NTM: variants seen among roughly 807,000 people sequenced by gnomAD.
NTM encodes IgLON family member 2.
Under a neutral mutation model 42.1 loss-of-function variants are expected in NTM, and 13 were observed. The ratio of observed to expected loss-of-function variants is 0.31; its 90% CI spans 0.20 to 0.49. The LOEUF (loss-of-function observed/expected upper bound fraction) is 0.49, where lower values mean the gene tolerates loss of function less well. Among genes scored for constraint, NTM ranks in the 20% least tolerant of loss-of-function variants. The pLI is 0.99. For missense variants in NTM, 373 were observed against 452.8 expected (o/e 0.82, Z 1.60); for synonymous variants, 187 against 179.2 (o/e 1.04, Z -0.35).
At chr11:132,012,327 A>G (rs1406730130) in intron 2 of NTM, among the ~76,000 whole-genome samples, 1 of 152,238 alleles carries the variant, frequency 6.6e-6, no homozygotes, top group Non-Finnish European at 1.5e-5. Context: ...AATGGCTAAC[A>G]AAATGTTATC....
At chr11:132,008,272 T>TG (rs1829374816) in intron 2 of NTM, among the ~76,000 whole-genome samples, 2 of 152,148 alleles carry the variant, frequency 1.3e-5, no homozygotes, top group African/African-American at 2.4e-5. Context: ...TTTGTAAAAT[T>TG]CTATTGTCCT....
In NTM at chr11:131,581,050, G is replaced by C. The variant is rs560333271; in HGVS notation, c.82+210162G>C. On this transcript the variant is annotated intron_variant, in intron 1 of 8. Coordinates refer to ENST00000683400, the MANE Select transcript of NTM (RefSeq NM_001352005.2). ...CCCTGGGTTATTGCTAAAAGGGTGT[G>C]GGGTATGGGGTTTGCCACACTCATC... Among the ~76,000 whole-genome samples, 13 of 152,286 alleles carry C rather than the reference G, an allele frequency of 8.5e-5. No homozygotes were observed. In the East Asian group the frequency reaches 9.7e-4, roughly 11 times the overall value.
intron 1 of NTM, among the ~76,000 whole-genome samples, chr11:131,545,346 C>T (rs1208751703): frequency 6.6e-6 from 1 of 151,984 alleles, no homozygotes; most frequent in East Asian, 1.9e-4. Context: ...AGCTTTTCCT[C>T]CATTTTTTTC....
chr11:132,205,603 G>A lies in NTM; in HGVS notation c.401-6419G>A, dbSNP rs3133870. On this transcript the variant is annotated intron_variant, in intron 3 of 8. Transcript: ENST00000683400. Reference sequence around the variant, plus strand: ...TACCCTAACCACTCCTTGGTCTTTCGGTTTCTATAATTGGTATATTTTCTA... The same window carrying A: ...TACCCTAACCACTCCTTGGTCTTTCAGTTTCTATAATTGGTATATTTTCTA... Among the ~76,000 whole-genome samples the A allele has an allele frequency of 2.2e-4, 34 of 151,860 alleles. 1 individual carries two copies. In the South Asian group the frequency reaches 6.7e-3, roughly 30 times the overall value.
intron 2 of NTM, among the ~76,000 whole-genome samples, chr11:132,008,009 T>A (rs1939380): frequency 6.6e-6 from 1 of 151,912 alleles, no homozygotes; most frequent in Non-Finnish European, 1.5e-5. Flanking sequence ...AGGTGGGCGT[T>A]GCTTCGATTT....
intron 1 of NTM, chr11:131,773,875 G>T: frequency 3.2e-6 from 1 of 309,752 alleles, no homozygotes; most frequent in Non-Finnish European, 4.7e-6. Flanking sequence ...TCGTTTTATT[G>T]CATGGTCTGG....
intron 2 of NTM, among the ~76,000 whole-genome samples, chr11:132,022,570 T>A (rs1452193933): frequency 1.3e-5 from 2 of 149,332 alleles, no homozygotes; most frequent in East Asian, 1.9e-4. Flanking sequence ...AACACTTAGG[T>A]CCCTAGATCC....
chr11:131,796,237 C>A, intron 1 of NTM: 1 of 912,344 alleles, frequency 1.1e-6, no homozygotes, highest in Non-Finnish European at 1.3e-6. Context: ...TGGAAGAGGC[C>A]ATGCACAGGT....
At chr11:131,392,772 C>T (rs1443689438) in intron 1 of NTM, among the ~76,000 whole-genome samples, 1 of 152,190 alleles carries the variant, frequency 6.6e-6, no homozygotes, top group African/African-American at 2.4e-5. Flanking sequence ...TCAGCCTGCT[C>T]TGAAAGTCTG....
chr11:131,461,473 A>G (rs1009780201), intron 1 of NTM, among the ~76,000 whole-genome samples: 4 of 152,222 alleles, frequency 2.6e-5, no homozygotes, highest in African/African-American at 9.6e-5. Context: ...GGAGAGACCT[A>G]TGAACATGCA....
chr11:131,790,833 C>A (rs548940742), intron 1 of NTM, among the ~76,000 whole-genome samples: 1 of 152,242 alleles, frequency 6.6e-6, no homozygotes, highest in African/African-American at 2.4e-5. Context: ...TCAAGAGGCA[C>A]AGATTAAAGT....
intron 4 of NTM, among the ~76,000 whole-genome samples, chr11:132,230,808 G>A (rs111724072): frequency 3.9e-5 from 6 of 152,296 alleles, no homozygotes; most frequent in African/African-American, 1.2e-4. Context: ...AGGCTCACAA[G>A]CCCAGGAGTT....
chr11:131,794,899 T>G (rs568831981), intron 1 of NTM: 1 of 985,182 alleles, frequency 1.0e-6, no homozygotes, highest in African/African-American at 1.7e-5. Flanking sequence ...CCCTTGTCAC[T>G]GCAGGGAGTG....
intron 3 of NTM, among the ~76,000 whole-genome samples, chr11:132,188,928 G>T (rs556640460): frequency 6.6e-6 from 1 of 152,156 alleles, no homozygotes; most frequent in Admixed American, 6.5e-5. Context: ...CTAGAAATGC[G>T]CACACATGAG....
At chr11:131,426,162 C>T (rs763902664) in intron 1 of NTM, among the ~76,000 whole-genome samples, 1 of 152,150 alleles carries the variant, frequency 6.6e-6, no homozygotes, top group Non-Finnish European at 1.5e-5. Context: ...TCATCTTTCC[C>T]TTCAGATTCT....
intron 1 of NTM, among the ~76,000 whole-genome samples, chr11:131,880,156 C>G (rs939229596): frequency 5.3e-5 from 8 of 152,324 alleles, no homozygotes; most frequent in Middle Eastern, 6.8e-3. Context: ...TCCGACCCAG[C>G]AGATAAGTCA....
intron 1 of NTM, among the ~76,000 whole-genome samples, chr11:131,557,750 G>T (rs985162923): frequency 2.5e-4 from 37 of 148,266 alleles, no homozygotes; most frequent in African/African-American, 9.2e-4. Flanking sequence ...CTAGCAGGGG[G>T]TGTGGGGGTA....
intron 1 of NTM, among the ~76,000 whole-genome samples, chr11:131,377,219 A>G (rs550887075): frequency 6.6e-6 from 1 of 152,258 alleles, no homozygotes; most frequent in East Asian, 1.9e-4. Flanking sequence ...TTGCTACTCC[A>G]CACAACCTCT....
chr11:132,086,978 AAGG>A (rs1288764707), intron 2 of NTM, among the ~76,000 whole-genome samples: 4 of 152,132 alleles, frequency 2.6e-5, no homozygotes, highest in Non-Finnish European at 4.4e-5. Context: ...TCTTCTTCCA[AAGG>A]AGCCTCAGAG....
Sources: allele counts gnomAD v4.1 joint callset (sites outside exome capture counted in the v4.1 genomes callset), GRCh38; gene constraint gnomAD v4.1.1; transcripts MANE v1.5; gene names NCBI Gene and HGNC (gene_info 2026-07-23, HGNC 2026-07-21).